TMC7: variants seen among roughly 807,000 people sequenced by gnomAD.
TMC7 encodes the protein transmembrane channel-like protein 7.
A neutral mutation model predicts 82.9 loss-of-function variants in TMC7; 54 were observed. The ratio of observed to expected loss-of-function variants is 0.65; its 90% CI spans 0.52 to 0.82. TMC7 has a LOEUF of 0.82. TMC7 is among the 40% of genes least tolerant of loss of function. The pLI is 0.00. For synonymous variants in TMC7, 350 were observed against 337.9 expected (o/e 1.04, Z -0.39); for missense variants, 820 against 901.2 (o/e 0.91, Z 1.15).
chr16:19,037,945 C>T lies in TMC7; in HGVS notation c.1077C>T (p.Tyr359=). ...CCTCAGAAGAAACAATACGCATTTA[C>T]TCTTTGAGACTGTTTTTGAACTGTA... ...ERTSEETIRI[Y]SLRLFLNCIV... Residue 359 remains tyrosine, a synonymous_variant, in exon 8 of 16, where the codon TAC becomes TAT. Transcript: ENST00000304381. 1 of 1,614,082 alleles carries T rather than the reference C, an allele frequency of 6.2e-7. No individual in the cohort carries two copies. Among genetic ancestry groups the T allele is most frequent in the Non-Finnish European group, 8.5e-7 (1 of 1,179,986 alleles).
rs147831206 is a variant in TMC7 at position 19,056,731 on chromosome 16, G to A, written c.2027+34G>A. The A allele has an allele frequency of 3.7e-3, 5,919 of 1,604,982 alleles. 314 individuals carry two copies. In the Admixed American group the frequency reaches 0.093, roughly 25 times the overall value. The stretch of plus-strand genomic sequence containing the variant: ...GAACCACCAGGACCCACTGAGGCAC[G>A]TGGGCTCCTCCCATTGGGAAATGGC... On this transcript the variant is annotated intron_variant, in intron 14 of 15. Transcript: ENST00000304381.
chr16:19,012,212 A>G (rs1367767257), intron 2 of TMC7: 1 of 152,090 alleles, frequency 6.6e-6, no homozygotes, highest in Non-Finnish European at 1.5e-5. Flanking sequence ...GAAAATTAGC[A>G]TGGCCTCTGA....
At chr16:18,995,223 A>G (rs2039022894) in intron 1 of TMC7, among the ~76,000 whole-genome samples, 1 of 152,204 alleles carries the variant, frequency 6.6e-6, no homozygotes, top group South Asian at 2.1e-4. Flanking sequence ...GTCAATACCT[A>G]CAACGGTTAT....
At chr16:19,006,864 T>G (rs1392832441) in intron 1 of TMC7, among the ~76,000 whole-genome samples, 4 of 152,168 alleles carry the variant, frequency 2.6e-5, no homozygotes, top group Admixed American at 1.3e-4. Context: ...TCGCTTAGGC[T>G]GGAGTGTAGT....
Position 19,040,329 on chromosome 16 carries a change from T to G in TMC7, c.1220T>G (p.Leu407Trp), listed in dbSNP as rs1960954169. The change falls in exon 9 of 16, where the codon TTG (leucine) becomes TGG (tryptophan). Residue 407 changes from leucine (L) to tryptophan (W), a missense_variant. Coordinates refer to ENST00000304381, the MANE Select transcript of TMC7 (RefSeq NM_024847.4). The stretch of plus-strand genomic sequence containing the variant: ...GTTTTTGGAGAGAACCTCTTCATAT[T>G]GTATCTACCGTCTATTGTGATCACG... ...KMVFGENLFI[L>W]YLPSIVITLA... The G allele has an allele frequency of 6.2e-7, 1 of 1,613,856 alleles. No individual in the cohort carries two copies. Among genetic ancestry groups the G allele is most frequent in the South Asian group, 1.1e-5 (1 of 91,048 alleles).
At chr16:18,994,619 A>G (rs1334564438) in intron 1 of TMC7, among the ~76,000 whole-genome samples, 2 of 152,014 alleles carry the variant, frequency 1.3e-5, no homozygotes, top group Non-Finnish European at 2.9e-5. Context: ...GGGGTCAGCT[A>G]GGTTTATCTA....
rs181849521 is a variant in TMC7 at position 19,031,804 on chromosome 16, G to A, written c.857+1435G>A. Among the ~76,000 whole-genome samples, 16 of 152,342 alleles carry A rather than the reference G, an allele frequency of 1.1e-4. No individual in the cohort carries two copies. The East Asian group carries it at 2.9e-3, about 28-fold the overall frequency. On this transcript the variant is annotated intron_variant, in intron 6 of 15. Transcript: ENST00000304381. ...TAGGACTAAAGTTGACCAAAGTTCAGCCATCTTCAGCATGTGGCTTCGAAG... is the reference window on the plus strand; with the variant it reads ...TAGGACTAAAGTTGACCAAAGTTCAACCATCTTCAGCATGTGGCTTCGAAG...
In TMC7 at chr16:19,056,664, A is replaced by C; in HGVS notation, c.1994A>C (p.Glu665Ala). ...TCCTTCATCCATGGTGTCACATCCG[A>C]AGCCTTTGCAGTTCCTTTCTTCATG... Reference protein sequence around the residue: ...LQSFIHGVTSEAFAVPFFMII... With the variant: ...LQSFIHGVTSAAFAVPFFMII... Residue 665 changes from glutamate (E) to alanine (A), a missense_variant, in exon 14 of 16, where the codon GAA becomes GCA. Coordinates refer to ENST00000304381, the MANE Select transcript of TMC7 (RefSeq NM_024847.4). The C allele has an allele frequency of 6.2e-7, 1 of 1,614,030 alleles. No individual in the cohort carries two copies. Among genetic ancestry groups the C allele is most frequent in the Non-Finnish European group, 8.5e-7 (1 of 1,179,992 alleles).
At chr16:19,029,514 C>T (rs918716959) in intron 5 of TMC7, among the ~76,000 whole-genome samples, 1 of 152,016 alleles carries the variant, frequency 6.6e-6, no homozygotes, top group African/African-American at 2.4e-5. Context: ...GGACCATAGA[C>T]ATGCACCTCT....
intron 2 of TMC7, among the ~76,000 whole-genome samples, chr16:19,014,118 G>A (rs778240448): frequency 1.3e-4 from 20 of 151,748 alleles, no homozygotes; most frequent in African/African-American, 4.4e-4. Flanking sequence ...TGCCTGCCTC[G>A]GCCTCCCAAA....
chr16:19,058,376 G>A (rs966456799), intron 14 of TMC7, among the ~76,000 whole-genome samples: 3 of 151,704 alleles, frequency 2.0e-5, no homozygotes, highest in Admixed American at 6.6e-5. Flanking sequence ...GTGAAACTCC[G>A]TCTCAAAAAT....
At chr16:19,056,094 C>CTT (rs200352592) in intron 13 of TMC7, among the ~76,000 whole-genome samples, 25 of 145,866 alleles carry the variant, frequency 1.7e-4, no homozygotes, top group Admixed American at 4.8e-4. Flanking sequence ...TTCTTTCTTT[C>CTT]TTTTTTTTTT....
intron 1 of TMC7, among the ~76,000 whole-genome samples, chr16:19,007,896 T>TTATATTC (rs2039270870): frequency 6.6e-6 from 1 of 152,174 alleles, no homozygotes; most frequent in Admixed American, 6.6e-5. Flanking sequence ...AGTAGGGCAC[T>TTATATTC]TGCCTTGTTC....
In TMC7 at chr16:19,045,422, G is replaced by T. The variant is rs770737086; in HGVS notation, c.1537G>T (p.Val513Leu). The T allele has an allele frequency of 6.2e-7, 1 of 1,613,406 alleles. No homozygotes were observed. The highest frequency in any genetic ancestry group is 8.5e-7 in the Non-Finnish European group (1 of 1,179,860). The change falls in exon 11 of 16, where the codon GTG becomes TTG. Residue 513 changes from valine (V) to leucine (L), a missense_variant. Val to Leu is a conservative substitution (Grantham distance 32). Transcript: ENST00000304381. ...FIIILAVTLF[V>L]DFPRKLLVTY... ...CATCATCTTGGCTGTGACACTCTTC[G>T]TGGATTTTCCTAGAAAGTAAGTGCG... is the stretch of plus-strand genomic sequence containing the variant.
At chr16:18,992,095 C>A (rs533120744) in intron 1 of TMC7, among the ~76,000 whole-genome samples, 1 of 152,236 alleles carries the variant, frequency 6.6e-6, no homozygotes, top group East Asian at 1.9e-4. Context: ...GATTTATAAT[C>A]CTTTGGGTAT....
intron 9 of TMC7, among the ~76,000 whole-genome samples, chr16:19,044,120 G>A (rs748196307): frequency 1.4e-5 from 2 of 145,032 alleles, no homozygotes; most frequent in East Asian, 2.1e-4. Flanking sequence ...CCTCTGCCTC[G>A]GCCTCCCAAA....
intron 7 of TMC7, among the ~76,000 whole-genome samples, chr16:19,037,123 G>A (rs965734247): frequency 6.6e-6 from 1 of 152,018 alleles, no homozygotes; most frequent in Non-Finnish European, 1.5e-5. Context: ...TAGGCCAGGC[G>A]CAGTGGTTCA....
In TMC7 at chr16:19,063,003, G is replaced by T. The variant is rs1962071285; in HGVS notation, c.*1160G>T. The T allele has an allele frequency of 6.6e-6, 1 of 152,144 alleles. No individual in the cohort carries two copies. Among genetic ancestry groups the T allele is most frequent in the Non-Finnish European group, 1.5e-5 (1 of 68,024 alleles). 9.4% of individuals were successfully genotyped at this position (152,144 alleles called of 1,614,324 possible). ...AAAAATGCCTGAATCCTTGCTCAGA[G>T]GAGCAAAGGTATCTTCTCGTCCCTT... On this transcript the variant is annotated 3_prime_UTR_variant, in exon 16 of 16. Transcript: ENST00000304381.
At position 19,047,145 on chromosome 16, in the gene TMC7, G is replaced by T. The variant is rs1278391419; in HGVS notation, c.1636G>T (p.Gly546Trp). Reference protein sequence around the residue: ...QEFAIPDNVLGIVYGQTICWI... With the variant: ...QEFAIPDNVLWIVYGQTICWI... ...GTTTGCCATTCCTGATAACGTCCTG[G>T]GGATAGTTTACGGGCAAACCATCTG... The change falls in exon 12 of 16, where the codon GGG becomes TGG. Residue 546 changes from glycine to tryptophan, a missense_variant. Around this residue, in one of 2 missense-constraint regions of TMC7, gnomAD observed 170 missense variants for 231.3 expected, o/e 0.74. Transcript: ENST00000304381. 4 of 1,613,998 alleles carry T rather than the reference G, an allele frequency of 2.5e-6. No homozygotes were observed.
Sources: allele counts gnomAD v4.1 joint callset (sites outside exome capture counted in the v4.1 genomes callset), GRCh38; gene constraint gnomAD v4.1.1; regional missense constraint gnomAD v4.1.1; transcripts MANE v1.5; gene names NCBI Gene and HGNC (gene_info 2026-07-23, HGNC 2026-07-21).